TANC2: variants seen among roughly 807,000 people sequenced by gnomAD.
TANC2 encodes protein TANC2.
A neutral mutation model predicts 210.5 loss-of-function variants in TANC2; 26 were observed. That is an observed-to-expected ratio of 0.12 (90% CI 0.09 to 0.17). TANC2 has a LOEUF of 0.17. Ranked by LOEUF, TANC2 falls within the 10% of genes least tolerant of loss-of-function variation. The pLI, the probability that TANC2 is intolerant of heterozygous loss-of-function variation, is 1.00. For synonymous variants in TANC2, 931 were observed against 967.1 expected (o/e 0.96, Z 0.69); for missense variants, 2,129 against 2,608.9 (o/e 0.82, Z 4.01).
Position 63,354,864 on chromosome 17 carries a change from G to T in TANC2, c.2056G>T (p.Ala686Ser), listed in dbSNP as rs1315099816. Residue 686 changes from alanine to serine, a missense_variant, in exon 14 of 28, where the codon GCT becomes TCT. Ala to Ser is a moderately conservative substitution (Grantham distance 99, BLOSUM62 1). Transcript: ENST00000689528. ...TGAAGCCATAGACCAGGACCTGCAG[G>T]CTTACATCCTGCACCGGATACACAG... The T allele has an allele frequency of 2.5e-6, 4 of 1,613,600 alleles. No individual in the cohort carries two copies. The Admixed American group carries it at 6.7e-5, about 27-fold the overall frequency.
At chr17:63,406,366 T>G in intron 21 of TANC2, 89 bp downstream of exon 21, 1 of 1,551,000 alleles carries the variant, frequency 6.4e-7, no homozygotes, top group East Asian at 2.3e-5. Flanking sequence ...CAGGAGATGC[T>G]AAGAACAGAT....
At chr17:63,308,990 A>G (rs1016172918) in intron 9 of TANC2, among the ~76,000 whole-genome samples, 1 of 152,166 alleles carries the variant, frequency 6.6e-6, no homozygotes, top group African/African-American at 2.4e-5. Context: ...AATTGTAATC[A>G]TAATATATAT....
intron 11 of TANC2, among the ~76,000 whole-genome samples, chr17:63,324,409 G>A (rs2045583014): frequency 6.6e-6 from 1 of 152,164 alleles, no homozygotes; most frequent in Non-Finnish European, 1.5e-5. Flanking sequence ...GTCAGCCAAA[G>A]AAGTAGTCAT....
At chr17:63,396,021 A>G (rs528937523) in intron 18 of TANC2, 93 bp downstream of exon 18, 6 of 1,233,976 alleles carry the variant, frequency 4.9e-6, no homozygotes, top group East Asian at 2.6e-5. Context: ...AAAATTGCCA[A>G]CCAAATTAAT....
chr17:63,073,546 G>A (rs1461265659), intron 2 of TANC2, among the ~76,000 whole-genome samples: 1 of 152,006 alleles, frequency 6.6e-6, no homozygotes, highest in Non-Finnish European at 1.5e-5. Flanking sequence ...AACAGTACTA[G>A]GGATTATTTG....
At chr17:63,370,208 T>C (rs1448489774) in intron 14 of TANC2, among the ~76,000 whole-genome samples, 2 of 148,282 alleles carry the variant, frequency 1.3e-5, no homozygotes, top group Non-Finnish European at 3.0e-5. Flanking sequence ...AGACAGAGTC[T>C]CTCTCTGTCA....
intron 9 of TANC2, among the ~76,000 whole-genome samples, chr17:63,272,399 C>T (rs2043739172): frequency 6.6e-6 from 1 of 152,080 alleles, no homozygotes; most frequent in Non-Finnish European, 1.5e-5. Context: ...GTGCTTCCAG[C>T]ATTGTTCTTT....
At chr17:63,156,274 G>C (rs566181239) in intron 5 of TANC2, among the ~76,000 whole-genome samples, 1 of 152,104 alleles carries the variant, frequency 6.6e-6, no homozygotes, top group South Asian at 2.1e-4. Context: ...GAGCTTTGGG[G>C]GGAGTCTTAG....
At chr17:63,230,672 G>A (rs940357168) in intron 7 of TANC2, among the ~76,000 whole-genome samples, 5 of 152,188 alleles carry the variant, frequency 3.3e-5, no homozygotes, top group African/African-American at 1.2e-4. Flanking sequence ...TTCCTGAGGA[G>A]TGTTTGACTT....
chr17:63,115,331 G>A (rs1167035295), intron 4 of TANC2, among the ~76,000 whole-genome samples: 2 of 152,044 alleles, frequency 1.3e-5, no homozygotes, highest in Admixed American at 6.5e-5. Flanking sequence ...AAAAGTAATA[G>A]GTTATTTTAA....
At chr17:63,422,233 G>A (rs779899976) in exon 28 of TANC2, 1 of 346,682 alleles carries the variant, frequency 2.9e-6, no homozygotes, top group Non-Finnish European at 5.3e-6. Flanking sequence ...CTTTAACCCA[G>A]GGAGATCAGA....
At chr17:63,217,619 T>C (rs1041560489) in intron 7 of TANC2, among the ~76,000 whole-genome samples, 1 of 152,184 alleles carries the variant, frequency 6.6e-6, no homozygotes, top group African/African-American at 2.4e-5. Context: ...AGGAAAACTT[T>C]TGGTCCAGAT....
intron 4 of TANC2, among the ~76,000 whole-genome samples, chr17:63,109,808 C>G (rs1396829960): frequency 6.6e-6 from 1 of 151,666 alleles, no homozygotes; most frequent in African/African-American, 2.4e-5. Context: ...ACTGTCAGTT[C>G]TCTAATTTAC....
rs188800077 is a variant in TANC2, at chr17:63,076,415, C to A, written c.139+2401C>A. Among the ~76,000 whole-genome samples the A allele has an allele frequency of 1.4e-4, 22 of 152,192 alleles. No homozygotes were observed. In the East Asian group the frequency reaches 2.5e-3, roughly 17 times the overall value. On this transcript the variant is annotated intron_variant, in intron 3 of 27. Coordinates refer to ENST00000689528, the Ensembl canonical transcript of TANC2. ...AGGCAGGAGGTTGGAAAAAAAAAGT[C>A]TTTTCTGGAGAATCTGACCAAAAAA...
chr17:63,240,793 A>G (rs1251057274), intron 8 of TANC2, among the ~76,000 whole-genome samples: 2 of 152,150 alleles, frequency 1.3e-5, no homozygotes, highest in African/African-American at 4.8e-5. Context: ...CTGAACTCAA[A>G]TACTTCCTCC....
intron 9 of TANC2, among the ~76,000 whole-genome samples, chr17:63,291,521 G>T (rs925275241): frequency 6.6e-6 from 1 of 152,196 alleles, no homozygotes; most frequent in Non-Finnish European, 1.5e-5. Flanking sequence ...GATGATTATG[G>T]TGGGGTGAGT....
rs5821385 is a variant in TANC2 at position 63,307,772 on chromosome 17, T to TGTTGTTGTTGTTGTTGTTG, written c.1160-6616_1160-6615insGTTGTTGTTGTTGTTGTTG. ...TTGTTGTTGCTGTTGTTGTTGTTGT[T>TGTTGTTGTTGTTGTTGTTG]TTGTTGTTTTTGAGACAGAGTCTCG... On this transcript the variant is annotated intron_variant, in intron 9 of 27. Coordinates refer to ENST00000689528, the Ensembl canonical transcript of TANC2. Among the ~76,000 whole-genome samples the TGTTGTTGTTGTTGTTGTTG allele has an allele frequency of 2.4e-3, 368 of 151,142 alleles. 2 individuals are homozygous for TGTTGTTGTTGTTGTTGTTG. Among genetic ancestry groups the TGTTGTTGTTGTTGTTGTTG allele is most frequent in the African/African-American group, 8.1e-3 (332 of 40,846 alleles).
exon 28 of TANC2, chr17:63,425,785 G>T (rs1038008059): frequency 3.3e-5 from 5 of 152,270 alleles, no homozygotes; most frequent in African/African-American, 1.2e-4. Context: ...CAGCCAGGCA[G>T]AGGCTGGAAG....
At chr17:63,028,236 T>C (rs558327515) in intron 2 of TANC2, among the ~76,000 whole-genome samples, 236 of 152,258 alleles carry the variant, frequency 1.5e-3, no homozygotes, top group Non-Finnish European at 2.5e-3. Flanking sequence ...ACAAGTAACA[T>C]TGAAAATGTT....
Sources: allele counts gnomAD v4.1 joint callset (sites outside exome capture counted in the v4.1 genomes callset), GRCh38; gene constraint gnomAD v4.1.1; transcripts MANE v1.5; gene names NCBI Gene and HGNC (gene_info 2026-07-23, HGNC 2026-07-21).